Variants in THADA observed in about 807,000 individuals in gnomAD.
The protein encoded by THADA is tRNA (32-2'-O)-methyltransferase regulator THADA.
Under a neutral mutation model 219.8 loss-of-function variants are expected in THADA, and 213 were observed. That is an observed-to-expected ratio of 0.97 (90% CI 0.87 to 1.09). The LOEUF is 1.09. THADA is among the 50% of genes least tolerant of loss of function. The pLI is 0.00. For synonymous variants in THADA, 1,018 were observed against 828.9 expected, an observed-to-expected ratio of 1.23 and a Z score of -3.92; for missense variants, 2,956 against 2,311.3, an observed-to-expected ratio of 1.28 and a Z score of -5.72.
Position 43,590,913 on chromosome 2 carries a change from A to G in THADA, c.213T>C (p.Cys71=), listed in dbSNP as rs958424000. Residue 71 remains cysteine (C), a synonymous_variant, in exon 4 of 38, where the codon TGT becomes TGC. Transcript: ENST00000405975. ...LLEKADKNGM[C]DPTIQSCLDI... is the part of the protein sequence containing the mutation. ...CCAAACAACTTTGAATAGTGGGATCACACATGCCATTTTTATCTGCTTTCT... is the reference window on the plus strand; with the variant it reads ...CCAAACAACTTTGAATAGTGGGATCGCACATGCCATTTTTATCTGCTTTCT... The G allele has an allele frequency of 1.9e-6, 3 of 1,613,676 alleles. No homozygotes were observed. In the African/African-American group the frequency reaches 4.0e-5, roughly 22 times the overall value.
Position 43,276,481 on chromosome 2 carries a change from A to T in THADA, c.5296+3284T>A, listed in dbSNP as rs143444154. Among the ~76,000 whole-genome samples the T allele has an allele frequency of 3.0e-4, 45 of 152,206 alleles. 1 individual carries two copies. The East Asian group carries it at 7.3e-3, about 25-fold the overall frequency. On this transcript the variant is annotated intron_variant, in intron 36 of 37. Coordinates refer to ENST00000405975, the MANE Select transcript of THADA (RefSeq NM_022065.5). ...AGAATCATTAACTAATCAAATCTAG[A>T]CCTAAAGCCAATTATGCAAAAGGAT...
chr2:43,532,794 GAAGAA>G, intron 21 of THADA, among the ~76,000 whole-genome samples: 1 of 152,230 alleles, frequency 6.6e-6, no homozygotes, highest in Middle Eastern at 3.4e-3. Context: ...AAAAACCCTA[GAAGAA>G]AACCTAGGCA....
intron 29 of THADA, among the ~76,000 whole-genome samples, chr2:43,351,683 C>T (rs1378085518): frequency 6.6e-6 from 1 of 152,174 alleles, no homozygotes; most frequent in Non-Finnish European, 1.5e-5. Flanking sequence ...TTCATTGATT[C>T]GGAATTCTAC....
chr2:43,545,550 A>C (rs1384774830), intron 20 of THADA, among the ~76,000 whole-genome samples: 4 of 152,150 alleles, frequency 2.6e-5, no homozygotes, highest in Admixed American at 2.6e-4. Flanking sequence ...ACAATTTCAG[A>C]GCCTGCTATT....
chr2:43,283,440 T>C (rs1558514878), intron 35 of THADA, among the ~76,000 whole-genome samples: 1 of 152,212 alleles, frequency 6.6e-6, no homozygotes, highest in Non-Finnish European at 1.5e-5. Flanking sequence ...CAGGAAGATG[T>C]GGGAAAGTTT....
chr2:43,252,367 C>T (rs200273359), intron 36 of THADA, among the ~76,000 whole-genome samples: 35 of 152,140 alleles, frequency 2.3e-4, no homozygotes, highest in African/African-American at 7.2e-4. Flanking sequence ...AGTATCATTG[C>T]GAACGTTTAG....
chr2:43,270,425 C>A (rs538444272), intron 36 of THADA, among the ~76,000 whole-genome samples: 1 of 152,150 alleles, frequency 6.6e-6, no homozygotes, highest in South Asian at 2.1e-4. Context: ...CAGCTCTGGT[C>A]CCCAACCCAT....
At chr2:43,387,136 A>G (rs970966071) in intron 29 of THADA, among the ~76,000 whole-genome samples, 1 of 152,224 alleles carries the variant, frequency 6.6e-6, no homozygotes, top group Admixed American at 6.5e-5. Flanking sequence ...AATGAAACAG[A>G]CAGCAACTGT....
At chr2:43,557,865 G>T (rs72790941) in intron 16 of THADA, among the ~76,000 whole-genome samples, 1 of 152,176 alleles carries the variant, frequency 6.6e-6, no homozygotes, top group Non-Finnish European at 1.5e-5. Flanking sequence ...CACAACAGTG[G>T]ATATCAAATG....
chr2:43,582,751 A>G (rs2104107888), intron 7 of THADA, among the ~76,000 whole-genome samples: 1 of 151,796 alleles, frequency 6.6e-6, no homozygotes, highest in South Asian at 2.1e-4. Flanking sequence ...TATTTTTAGT[A>G]GAGACAGGGG....
At chr2:43,440,679 T>G (rs531571849) in intron 26 of THADA, among the ~76,000 whole-genome samples, 8 of 152,350 alleles carry the variant, frequency 5.3e-5, no homozygotes, top group African/African-American at 1.9e-4. Flanking sequence ...AATGGATATG[T>G]CTTCTTGAGG....
chr2:43,366,056 T>C (rs1670112014), intron 29 of THADA, among the ~76,000 whole-genome samples: 1 of 152,212 alleles, frequency 6.6e-6, no homozygotes, highest in Non-Finnish European at 1.5e-5. Context: ...ATAGAGATAC[T>C]AAAGAGACAG....
chr2:43,369,180 G>T (rs945754574), intron 29 of THADA, among the ~76,000 whole-genome samples: 1 of 152,132 alleles, frequency 6.6e-6, no homozygotes, highest in Non-Finnish European at 1.5e-5. Context: ...CTTCAGTCCT[G>T]CCTTTGAGCA....
intron 30 of THADA, among the ~76,000 whole-genome samples, chr2:43,335,494 C>G (rs1666311511): frequency 6.6e-6 from 1 of 152,132 alleles, no homozygotes; most frequent in African/African-American, 2.4e-5. Context: ...TTCTAAAATT[C>G]TAGGTCAATG....
intron 29 of THADA, among the ~76,000 whole-genome samples, chr2:43,382,266 A>G (rs1411622502): frequency 6.6e-6 from 1 of 152,246 alleles, no homozygotes; most frequent in East Asian, 1.9e-4. Context: ...TTTCTTCCTT[A>G]GCCATGACAA....
intron 29 of THADA, among the ~76,000 whole-genome samples, chr2:43,366,587 A>C (rs1330763994): frequency 2.0e-5 from 3 of 152,200 alleles, no homozygotes; most frequent in African/African-American, 7.2e-5. Flanking sequence ...AGGAAAGCAA[A>C]AGTTTACATA....
chr2:43,595,254 A>G (rs894561585), intron 1 of THADA, among the ~76,000 whole-genome samples: 2 of 152,230 alleles, frequency 1.3e-5, no homozygotes, highest in Non-Finnish European at 2.9e-5. Flanking sequence ...TTGGGAAGTA[A>G]GAAATCCATA....
At chr2:43,402,929 C>T (rs975303185) in intron 28 of THADA, among the ~76,000 whole-genome samples, 8 of 152,176 alleles carry the variant, frequency 5.3e-5, no homozygotes, top group Non-Finnish European at 8.8e-5. Flanking sequence ...CTGTGCCTTT[C>T]CCTGTGTGAA....
chr2:43,389,522 A>C (rs1401273119), intron 29 of THADA, among the ~76,000 whole-genome samples: 1 of 152,186 alleles, frequency 6.6e-6, no homozygotes, highest in Non-Finnish European at 1.5e-5. Context: ...GTATTCTTCC[A>C]CATATATTAT....
Sources: allele counts gnomAD v4.1 joint callset (sites outside exome capture counted in the v4.1 genomes callset), GRCh38; gene constraint gnomAD v4.1.1; transcripts MANE v1.5; gene names NCBI Gene and HGNC (gene_info 2026-07-23, HGNC 2026-07-21).